TMPRSS2: variants seen among roughly 807,000 people sequenced by gnomAD.
The protein encoded by TMPRSS2 is transmembrane protease serine 2.
In TMPRSS2, 59 loss-of-function variants were observed where a neutral mutation model predicts 67.4. The ratio of observed to expected loss-of-function variants is 0.88; its 90% confidence interval spans 0.71 to 1.09. The LOEUF is 1.09. Ranked by LOEUF, TMPRSS2 falls within the 50% of genes least tolerant of loss-of-function variation. TMPRSS2 has a pLI of 0.00. For missense variants in TMPRSS2, 668 were observed against 642.7 expected, an observed-to-expected ratio of 1.04 and a Z score of -0.43; for synonymous variants, 257 against 257.0, an observed-to-expected ratio of 1.00 and a Z score of 0.00.
At chr21:41,498,230 G>T in intron 1 of TMPRSS2, 41 bp from the exon 2 acceptor site, 1 of 1,385,688 alleles carries the variant, frequency 7.2e-7, no homozygotes, top group Non-Finnish European at 1.0e-6. Context: ...TTCCATACCA[G>T]TTAGTTTTTA....
At chr21:41,477,075 C>T (rs959366181) in intron 7 of TMPRSS2, among the ~76,000 whole-genome samples, 2 of 152,138 alleles carry the variant, frequency 1.3e-5, no homozygotes, top group African/African-American at 4.8e-5. Flanking sequence ...GTAAGAGTTA[C>T]TCATTTGGGA....
chr21:41,467,601 G>A, intron 13 of TMPRSS2, 133 bp downstream of exon 13: 1 of 1,008,820 alleles, frequency 9.9e-7, no homozygotes, highest in Non-Finnish European at 1.5e-6. Context: ...GCTGTGGCTG[G>A]AGGAAGCAGA....
rs770738725 is a variant in TMPRSS2 at position 41,473,422 on chromosome 21, G to T, written c.802C>A (p.Pro268Thr). The T allele has an allele frequency of 6.2e-7, 1 of 1,610,154 alleles. No individual in the cohort carries two copies. Among genetic ancestry groups the T allele is most frequent in the Non-Finnish European group, 8.5e-7 (1 of 1,179,116 alleles). Residue 268 changes from proline (P) to threonine (T), a missense_variant, in exon 9 of 14, where the codon CCC becomes ACC. Physicochemically the swap from Pro to Thr is conservative, Grantham distance 38 (BLOSUM62 -1). Transcript: ENST00000332149. Reference sequence around the variant, plus strand: ...TGGACGTGCAGGCTGACCTGCCAGGGCCAGGCCCCCGGGAGCGCGCTCTCG... The same window carrying T: ...TGGACGTGCAGGCTGACCTGCCAGGTCCAGGCCCCCGGGAGCGCGCTCTCG... ...GGESALPGAW[P>T]WQVSLHVQNV...
At chr21:41,488,950 C>A (rs572164476) in intron 4 of TMPRSS2, among the ~76,000 whole-genome samples, 2 of 152,286 alleles carry the variant, frequency 1.3e-5, no homozygotes, top group Non-Finnish European at 2.9e-5. Context: ...CAATCCCCCA[C>A]TTTAATAAGG....
At chr21:41,487,912 C>A (rs1410283477) in intron 5 of TMPRSS2, 1 of 153,150 alleles carries the variant, frequency 6.5e-6, no homozygotes, top group East Asian at 1.9e-4. Context: ...CCTGCCTCAG[C>A]CTCCTGAATA....
intron 10 of TMPRSS2, 37 bp from the exon 11 acceptor site, chr21:41,470,780 G>A (rs771991582): frequency 4.4e-6 from 2 of 455,830 alleles, no homozygotes; most frequent in South Asian, 3.9e-5. Context: ...AGCCAGGCGG[G>A]TATCACCTAT....
chr21:41,488,538 T>C, intron 4 of TMPRSS2, 25 bp from the exon 5 acceptor site: 2 of 1,600,336 alleles, frequency 1.2e-6, no homozygotes, highest in Non-Finnish European at 1.7e-6. Flanking sequence ...AGAAGAGAGG[T>C]GCCCTTCAGG....
chr21:41,480,771 TG>T (rs2091251249), intron 5 of TMPRSS2, among the ~76,000 whole-genome samples, 169 bp from the exon 6 acceptor site: 1 of 152,196 alleles, frequency 6.6e-6, no homozygotes, highest in Non-Finnish European at 1.5e-5. Flanking sequence ...CCCGAGTAGC[TG>T]GGATTACAGG....
chr21:41,496,271 A>C (rs552591104), intron 2 of TMPRSS2, among the ~76,000 whole-genome samples: 1 of 152,350 alleles, frequency 6.6e-6, no homozygotes, highest in Non-Finnish European at 1.5e-5. Context: ...CTAAAGGAGC[A>C]TAGTCTCTGT....
intron 5 of TMPRSS2, chr21:41,486,929 C>T (rs1407904642): frequency 6.6e-6 from 1 of 152,010 alleles, no homozygotes; most frequent in Admixed American, 6.6e-5. Context: ...GACTTTGCAC[C>T]GTGGGGGTGG....
chr21:41,479,232 C>A lies in TMPRSS2; in HGVS notation c.623G>T (p.Ser208Ile). The A allele has an allele frequency of 6.8e-6, 11 of 1,613,990 alleles. No homozygotes were observed. Among genetic ancestry groups the A allele is most frequent in the Non-Finnish European group, 9.3e-6 (11 of 1,179,982 alleles). Residue 208 changes from serine to isoleucine, a missense_variant, in exon 7 of 14, where the codon AGC (serine) becomes ATC (isoleucine). By Grantham distance (142) the Ser-to-Ile change is moderately radical. Coordinates refer to ENST00000332149, the MANE Select transcript of TMPRSS2 (RefSeq NM_005656.4). ...QGIVDDSGSTSFMKLNTSAGN... is the reference protein window; with the variant it reads ...QGIVDDSGSTIFMKLNTSAGN... ...GGCACTTGTGTTCAGTTTCATAAAG[C>A]TGGTGGATCCGCTGTCATCCACTAT...
intron 7 of TMPRSS2, 56 bp downstream of exon 7, chr21:41,479,116 T>G: frequency 7.7e-7 from 1 of 1,301,486 alleles, no homozygotes; most frequent in Non-Finnish European, 1.1e-6. Context: ...CGATTCCCCA[T>G]GGTGTCTCCT....
At chr21:41,502,045 C>T (rs2091428136) in intron 1 of TMPRSS2, among the ~76,000 whole-genome samples, 1 of 152,210 alleles carries the variant, frequency 6.6e-6, no homozygotes, top group Non-Finnish European at 1.5e-5. Context: ...GACAGTGTCA[C>T]CCACTTGAAT....
chr21:41,492,731 C>G (rs144481222), intron 3 of TMPRSS2, among the ~76,000 whole-genome samples: 1 of 152,348 alleles, frequency 6.6e-6, no homozygotes, highest in African/African-American at 2.4e-5. Flanking sequence ...CTGTCCAACT[C>G]TGTCATCATC....
Position 41,467,739 on chromosome 21 carries a change from T to C in TMPRSS2, c.1462A>G (p.Met488Val). 4 of 1,614,132 alleles carry C rather than the reference T, an allele frequency of 2.5e-6. No homozygotes were observed. Among genetic ancestry groups the C allele is most frequent in the Non-Finnish European group, 3.4e-6 (4 of 1,180,002 alleles). ...MVFTDWIYRQMRADG is the reference protein window; with the variant it reads ...MVFTDWIYRQVRADG ...AAGGAGGACAGGATAGTTACCCTCA[T>C]TTGTCGATAAATCCAGTCCGTGAAT... Residue 488 changes from methionine to valine, a missense_variant, in exon 13 of 14, where the codon ATG (methionine) becomes GTG (valine). By Grantham distance (21) the Met-to-Val change is conservative (BLOSUM62 1). Coordinates refer to ENST00000332149, the MANE Select transcript of TMPRSS2 (RefSeq NM_005656.4).
chr21:41,466,073 T>A lies in TMPRSS2; in HGVS notation c.*69A>T. The A allele has an allele frequency of 6.4e-7, 1 of 1,570,004 alleles. No homozygotes were observed. Among genetic ancestry groups the A allele is most frequent in the South Asian group, 1.1e-5 (1 of 89,278 alleles). ...CTGAATCATCTCTAAGAGTAAATCA[T>A]GCACGGGGAAGCAAAACCAGCCCCA... On this transcript the variant is annotated 3_prime_UTR_variant, in exon 14 of 14. Coordinates refer to ENST00000332149, the MANE Select transcript of TMPRSS2 (RefSeq NM_005656.4).
In TMPRSS2 at chr21:41,494,507, C is replaced by T. The variant is rs780345956; in HGVS notation, c.87G>A (p.Gln29=). ...CGTAGACAGTGGGGACCACAGTGGG[C>T]TGTGCGGGATAGGGGTTTTCCGGTT... ...GYQPENPYPA[Q]PTVVPTVYEV... Residue 29 remains glutamine, a synonymous_variant, in exon 3 of 14, where the codon CAG becomes CAA. Coordinates refer to ENST00000332149, the MANE Select transcript of TMPRSS2 (RefSeq NM_005656.4). The T allele has an allele frequency of 1.2e-6, 2 of 1,614,062 alleles. No homozygotes were observed. The highest frequency in any genetic ancestry group is 1.7e-6 in the Non-Finnish European group (2 of 1,179,992).
At chr21:41,469,440 G>A (rs531148133) in intron 11 of TMPRSS2, among the ~76,000 whole-genome samples, 5 of 152,002 alleles carry the variant, frequency 3.3e-5, no homozygotes, top group East Asian at 2.0e-4. Context: ...CCCGGCTCAC[G>A]ATCTCCCCAC....
At chr21:41,502,794 G>A (rs1381850867) in intron 1 of TMPRSS2, among the ~76,000 whole-genome samples, 1 of 152,146 alleles carries the variant, frequency 6.6e-6, no homozygotes, top group Non-Finnish European at 1.5e-5. Context: ...CCTTAGGAGA[G>A]GTATTGCCTG....
Sources: allele counts gnomAD v4.1 joint callset (sites outside exome capture counted in the v4.1 genomes callset), GRCh38; gene constraint gnomAD v4.1.1; transcripts MANE v1.5; gene names NCBI Gene and HGNC (gene_info 2026-07-23, HGNC 2026-07-21).